The following ARHGAP15 variants were observed in gnomAD, a reference collection of about 807,000 sequenced individuals.
ARHGAP15 encodes Rho GTPase activating protein 15.
Under a neutral mutation model 63.7 loss-of-function variants are expected in ARHGAP15, and 51 were observed. The observed-to-expected ratio is 0.80, with a 90% CI of 0.64 to 1.01. The LOEUF is 1.01. Ranked by LOEUF, ARHGAP15 falls within the 50% of genes least tolerant of loss-of-function variation. The pLI is 0.00. For synonymous variants in ARHGAP15, 191 were observed against 193.8 expected (o/e 0.99, Z 0.12); for missense variants, 560 against 564.6 (o/e 0.99, Z 0.08).
intron 12 of ARHGAP15, among the ~76,000 whole-genome samples, chr2:143,686,427 A>G (rs1683352192): frequency 6.7e-6 from 1 of 148,376 alleles, no homozygotes; most frequent in Non-Finnish European, 1.5e-5. Context: ...GCCCTTGCAA[A>G]GCACTACTCT....
At chr2:143,191,161 T>C (rs1691673091) in intron 2 of ARHGAP15, among the ~76,000 whole-genome samples, 1 of 152,204 alleles carries the variant, frequency 6.6e-6, no homozygotes, top group South Asian at 2.1e-4. Context: ...ACCCCAAGTA[T>C]TATATATGCT....
At chr2:143,548,217 CAG>C (rs1052181577) in intron 10 of ARHGAP15, among the ~76,000 whole-genome samples, 21 of 152,104 alleles carry the variant, frequency 1.4e-4, no homozygotes, top group Admixed American at 4.6e-4. Flanking sequence ...ATTGAAGTAA[CAG>C]GGGCAAAAGA....
At chr2:143,226,190 G>A (rs947654522) in intron 4 of ARHGAP15, among the ~76,000 whole-genome samples, 28 of 152,296 alleles carry the variant, frequency 1.8e-4, no homozygotes, top group African/African-American at 6.7e-4. Flanking sequence ...AAAGAACAAT[G>A]AGATAATTGC....
At chr2:143,596,885 G>T (rs537394395) in intron 11 of ARHGAP15, among the ~76,000 whole-genome samples, 1 of 151,968 alleles carries the variant, frequency 6.6e-6, no homozygotes, top group Non-Finnish European at 1.5e-5. Context: ...TATTTTAGAG[G>T]TATCTATGTA....
At chr2:143,715,265 G>A (rs1684760420) in intron 13 of ARHGAP15, among the ~76,000 whole-genome samples, 1 of 152,182 alleles carries the variant, frequency 6.6e-6, no homozygotes, top group African/African-American at 2.4e-5. Flanking sequence ...CACGAGAATA[G>A]CATGGGAAAG....
At chr2:143,653,945 T>C (rs1408660769) in intron 12 of ARHGAP15, among the ~76,000 whole-genome samples, 7 of 152,230 alleles carry the variant, frequency 4.6e-5, no homozygotes, top group Admixed American at 3.3e-4. Flanking sequence ...CTGAAGGCAA[T>C]TAAAATCCAC....
intron 11 of ARHGAP15, chr2:143,587,909 C>G: frequency 3.9e-6 from 1 of 255,646 alleles, no homozygotes; most frequent in Non-Finnish European, 8.2e-6. Flanking sequence ...AGCACCTCAA[C>G]TAACTGAACC....
At chr2:143,606,070 A>C (rs1331583611) in intron 11 of ARHGAP15, among the ~76,000 whole-genome samples, 1 of 42,184 alleles carries the variant, frequency 2.4e-5, no homozygotes, top group East Asian at 5.2e-4. Flanking sequence ...AAAAAAAAAA[A>C]GCCATACATC....
intron 9 of ARHGAP15, among the ~76,000 whole-genome samples, chr2:143,504,779 T>C (rs1202472783): frequency 6.6e-6 from 1 of 152,234 alleles, no homozygotes; most frequent in Non-Finnish European, 1.5e-5. Flanking sequence ...GCACCTTACC[T>C]TGGCTGTGCA....
intron 5 of ARHGAP15, chr2:143,237,435 G>A (rs1323599405): frequency 6.6e-6 from 1 of 152,064 alleles, no homozygotes; most frequent in East Asian, 1.9e-4. Flanking sequence ...CCAACAGTAT[G>A]GCCATTTCTA....
At chr2:143,394,643 G>A (rs948936787) in intron 6 of ARHGAP15, among the ~76,000 whole-genome samples, 16 of 152,276 alleles carry the variant, frequency 1.1e-4, no homozygotes, top group African/African-American at 3.6e-4. Flanking sequence ...GACTTTCCCA[G>A]GTTAGGGAAG....
chr2:143,662,461 G>A (rs1267983259), intron 12 of ARHGAP15, among the ~76,000 whole-genome samples: 1 of 144,112 alleles, frequency 6.9e-6, no homozygotes, highest in Non-Finnish European at 1.5e-5. Flanking sequence ...CCACAAAGAT[G>A]GGGAAAAAAC....
At chr2:143,531,127 C>T (rs6755978) in intron 10 of ARHGAP15, among the ~76,000 whole-genome samples, 81 of 151,762 alleles carry the variant, frequency 5.3e-4, no homozygotes, top group Non-Finnish European at 9.9e-4. Context: ...TGTGTGTGCG[C>T]GCATGTGTGT....
intron 3 of ARHGAP15, among the ~76,000 whole-genome samples, chr2:143,205,713 T>G (rs1249321715): frequency 1.3e-5 from 2 of 152,086 alleles, no homozygotes; most frequent in Non-Finnish European, 2.9e-5. Context: ...ATTCCCTCTT[T>G]CCATTGAGCC....
intron 8 of ARHGAP15, among the ~76,000 whole-genome samples, chr2:143,481,041 T>C (rs1574508071): frequency 6.6e-6 from 1 of 152,144 alleles, no homozygotes; most frequent in Non-Finnish European, 1.5e-5. Context: ...GTAATCCCTA[T>C]GATGGTGTGA....
intron 6 of ARHGAP15, among the ~76,000 whole-genome samples, chr2:143,353,920 G>T: frequency 6.6e-6 from 1 of 151,904 alleles, no homozygotes; most frequent in East Asian, 1.9e-4. Flanking sequence ...TTGCCCCAAA[G>T]TTGTCATGAT....
At chr2:143,361,067 C>A (rs1316120998) in intron 6 of ARHGAP15, among the ~76,000 whole-genome samples, 1 of 152,010 alleles carries the variant, frequency 6.6e-6, no homozygotes, top group Non-Finnish European at 1.5e-5. Context: ...CGCATGAGTT[C>A]CACATTTTTA....
intron 2 of ARHGAP15, 42 bp downstream of exon 2, chr2:143,155,697 A>T (rs770017895): frequency 1.2e-5 from 18 of 1,494,570 alleles, no homozygotes; most frequent in Non-Finnish European, 1.6e-5. Context: ...CTTGTCATAC[A>T]GAATTTTGTA....
chr2:143,653,731 C>T (rs540300796), intron 12 of ARHGAP15, among the ~76,000 whole-genome samples: 97 of 152,246 alleles, frequency 6.4e-4, no homozygotes, highest in African/African-American at 2.2e-3. Flanking sequence ...CATTCCTTAT[C>T]GCACTTTTCT....
Sources: gnomAD v4.1 joint callset for allele counts (sites outside exome capture counted in the v4.1 genomes callset) on GRCh38, gnomAD v4.1.1 for gene constraint, MANE v1.5 for transcripts, NCBI Gene and HGNC (gene_info 2026-07-23, HGNC 2026-07-21) for gene names.